Variants in PKIG observed in about 807,000 individuals in gnomAD.
PKIG encodes protein kinase (cAMP-dependent, catalytic) inhibitor gamma.
A neutral mutation model predicts 6.8 loss-of-function variants in PKIG; 1 was observed. The observed-to-expected ratio is 0.15, with a 90% CI of 0.05 to 0.69. PKIG has a LOEUF of 0.69. Ranked by LOEUF, PKIG falls within the 30% of genes least tolerant of loss-of-function variation. The pLI is 0.82. For synonymous variants in PKIG, 39 were observed against 43.0 expected (o/e 0.91, Z 0.36); for missense variants, 77 against 104.0 (o/e 0.74, Z 1.13).
In PKIG at chr20:44,550,629, T is replaced by C. The variant is rs1365275599; in HGVS notation, c.-241+18651T>C. Among the ~76,000 whole-genome samples, 4 of 152,190 alleles carry C rather than the reference T, an allele frequency of 2.6e-5. No individual in the cohort carries two copies. In the East Asian group the frequency reaches 7.7e-4, roughly 29 times the overall value. ...CTGGTGAAGCTTTCCCAGGCGTTTT[T>C]GTGCTAAAGCTTTGGCCACTGTGCC... On this transcript the variant is annotated intron_variant, in intron 1 of 4. Transcript: ENST00000372887.
chr20:44,587,021 C>T (rs2064995454), intron 1 of PKIG, among the ~76,000 whole-genome samples: 1 of 152,138 alleles, frequency 6.6e-6, no homozygotes. Context: ...CTTACTATGT[C>T]CCAGGAACCT....
At chr20:44,553,232 C>G (rs1442245258) in intron 1 of PKIG, among the ~76,000 whole-genome samples, 1 of 152,116 alleles carries the variant, frequency 6.6e-6, no homozygotes, top group African/African-American at 2.4e-5. Flanking sequence ...GTCATTAATT[C>G]CATCCCAGGA....
intron 2 of PKIG, among the ~76,000 whole-genome samples, chr20:44,611,711 G>A (rs1301035384): frequency 6.6e-6 from 1 of 151,308 alleles, no homozygotes; most frequent in African/African-American, 2.4e-5. Flanking sequence ...AGTAGAGAGG[G>A]GGTTTCACCA....
chr20:44,584,006 T>C (rs565478870), intron 1 of PKIG, among the ~76,000 whole-genome samples: 4 of 152,218 alleles, frequency 2.6e-5, no homozygotes, highest in Admixed American at 2.6e-4. Flanking sequence ...TGCACACGCA[T>C]ACACTAGCAC....
chr20:44,583,979 T>C (rs1275965985), intron 1 of PKIG, among the ~76,000 whole-genome samples: 1 of 152,100 alleles, frequency 6.6e-6, no homozygotes, highest in Non-Finnish European at 1.5e-5. Context: ...AGAAAAAGTC[T>C]CAGTGGTAAC....
intron 1 of PKIG, among the ~76,000 whole-genome samples, chr20:44,557,343 G>A (rs776449246): frequency 6.6e-6 from 1 of 151,700 alleles, no homozygotes; most frequent in African/African-American, 2.4e-5. Flanking sequence ...CCTGGCCAAC[G>A]TGGTGGAACC....
intron 1 of PKIG, among the ~76,000 whole-genome samples, chr20:44,544,976 C>CCTGAG (rs1174074719): frequency 1.8e-5 from 2 of 110,932 alleles, no homozygotes; most frequent in African/African-American, 3.7e-5. Flanking sequence ...TGCTCTGTGG[C>CCTGAG]CTGAGCTGGA....
chr20:44,579,924 A>G (rs903716113), upstream of PKIG, among the ~76,000 whole-genome samples: 1 of 152,176 alleles, frequency 6.6e-6, no homozygotes, highest in Non-Finnish European at 1.5e-5. Context: ...CAGCCAAACA[A>G]TAGCCCTGAC....
intron 1 of PKIG, among the ~76,000 whole-genome samples, chr20:44,569,225 T>C (rs2064834407): frequency 1.3e-5 from 2 of 152,212 alleles, no homozygotes; most frequent in Non-Finnish European, 2.9e-5. Flanking sequence ...AAAGAAATCT[T>C]TGATAAGGCA....
chr20:44,560,089 GA>G (rs1475087170), intron 1 of PKIG, among the ~76,000 whole-genome samples: 1 of 150,970 alleles, frequency 6.6e-6, no homozygotes. Context: ...AAGAAGGAAA[GA>G]AAAAAGAAAA....
chr20:44,575,517 CTTCT>C (rs2064889665), intron 1 of PKIG, among the ~76,000 whole-genome samples: 1 of 152,160 alleles, frequency 6.6e-6, no homozygotes, highest in Admixed American at 6.5e-5. Flanking sequence ...TAATAAAAGA[CTTCT>C]TTAAGGGGAT....
intron 1 of PKIG, among the ~76,000 whole-genome samples, chr20:44,569,988 G>C (rs971700222): frequency 1.3e-5 from 2 of 152,180 alleles, no homozygotes; most frequent in Non-Finnish European, 1.5e-5. Context: ...AATTAGCCAG[G>C]AATGGTGGTG....
intron 1 of PKIG, among the ~76,000 whole-genome samples, chr20:44,550,668 C>G (rs2064659605): frequency 6.6e-6 from 1 of 152,148 alleles, no homozygotes; most frequent in South Asian, 2.1e-4. Context: ...CCACAACTTT[C>G]ATTTTGTTAA....
chr20:44,532,516 C>G (rs6073465), intron 1 of PKIG, among the ~76,000 whole-genome samples: 6 of 152,160 alleles, frequency 3.9e-5, no homozygotes, highest in Non-Finnish European at 7.3e-5. Context: ...ACGGCCCGGG[C>G]TGATAGCCAG....
rs558092218 is a variant in PKIG at position 44,574,122 on chromosome 20, T to C, written c.-240-8463T>C. 2.6e-5 allele frequency among the ~76,000 whole-genome samples: 4 copies of C among 152,334 alleles called. No homozygotes were observed. In the South Asian group the frequency reaches 6.2e-4, roughly 24 times the overall value. ...TGTTACTCCCATTTCCTTTTTTAAA[T>C]GAATTTTGTTTTTGTCAGAAAGGTA... On this transcript the variant is annotated intron_variant, in intron 1 of 4. Transcript: ENST00000372887.
intron 1 of PKIG, among the ~76,000 whole-genome samples, chr20:44,550,412 A>G (rs1428568129): frequency 6.6e-6 from 1 of 152,076 alleles, no homozygotes. Context: ...AACTGAAAAA[A>G]AAAATGGATT....
At chr20:44,585,064 T>A (rs1424588366) in intron 1 of PKIG, 1 of 151,974 alleles carries the variant, frequency 6.6e-6, no homozygotes, top group Non-Finnish European at 1.5e-5. Flanking sequence ...GATCTTGAGA[T>A]TTGGGGTAAT....
intron 1 of PKIG, among the ~76,000 whole-genome samples, chr20:44,551,784 C>A (rs1381735186): frequency 6.6e-6 from 1 of 152,164 alleles, no homozygotes; most frequent in Non-Finnish European, 1.5e-5. Context: ...CATCATGATT[C>A]AGAGTTGAGG....
intron 1 of PKIG, among the ~76,000 whole-genome samples, chr20:44,554,740 T>C (rs2064698631): frequency 1.3e-5 from 2 of 152,170 alleles, no homozygotes; most frequent in East Asian, 3.9e-4. Context: ...CCAAAGTGTC[T>C]ATGCAGAAGA....
Sources: allele counts gnomAD v4.1 joint callset (sites outside exome capture counted in the v4.1 genomes callset), GRCh38; gene constraint gnomAD v4.1.1; transcripts MANE v1.5; gene names NCBI Gene and HGNC (gene_info 2026-07-23, HGNC 2026-07-21).